AGBL4: variants seen among roughly 807,000 people sequenced by gnomAD.
AGBL4 encodes the protein cytosolic carboxypeptidase 6.
A neutral mutation model predicts 66.4 loss-of-function variants in AGBL4; 58 were observed. The ratio of observed to expected loss-of-function variants is 0.87; its 90% confidence interval spans 0.71 to 1.09. The LOEUF (loss-of-function observed/expected upper bound fraction) is 1.09, where lower values mean the gene tolerates loss of function less well. AGBL4 is among the 50% of genes least tolerant of loss of function. AGBL4 has a pLI of 0.00. For synonymous variants in AGBL4, 234 were observed against 222.9 expected (o/e 1.05, Z -0.44); for missense variants, 579 against 631.0 (o/e 0.92, Z 0.88).
chr1:49,767,723 A>G (rs1643927764), intron 2 of AGBL4, among the ~76,000 whole-genome samples: 1 of 152,134 alleles, frequency 6.6e-6, no homozygotes, highest in African/African-American at 2.4e-5. Context: ...TAACAAAGAA[A>G]GAAGACAAAA....
intron 1 of AGBL4, among the ~76,000 whole-genome samples, chr1:49,869,798 T>C (rs1646794900): frequency 6.6e-6 from 1 of 152,110 alleles, no homozygotes; most frequent in Non-Finnish European, 1.5e-5. Flanking sequence ...AGTGGATTGG[T>C]AGTTACTAGA....
intron 2 of AGBL4, among the ~76,000 whole-genome samples, chr1:49,744,592 T>A (rs1650838698): frequency 6.6e-6 from 1 of 152,076 alleles, no homozygotes; most frequent in Non-Finnish European, 1.5e-5. Flanking sequence ...ATATTAATAG[T>A]AACTTGAATG....
At position 48,593,035 on chromosome 1, in the gene AGBL4, T is replaced by C. The variant is rs111861600; in HGVS notation, c.952-2050A>G. ...CCAGCACCTGAATTATGTTGATTGA[T>C]CATATAATCTGAAAGTCAAATGATA... On this transcript the variant is annotated intron_variant, in intron 9 of 13. Coordinates refer to ENST00000371839, the MANE Select transcript of AGBL4 (RefSeq NM_032785.4). 8.5e-3 allele frequency among the ~76,000 whole-genome samples: 1,293 copies of C among 152,274 alleles called. 23 individuals carry two copies. The highest frequency in any genetic ancestry group is 0.03 in the African/African-American group (1,229 of 41,532).
At chr1:49,227,637 T>G (rs1438518293) in intron 4 of AGBL4, among the ~76,000 whole-genome samples, 1 of 152,204 alleles carries the variant, frequency 6.6e-6, no homozygotes, top group Non-Finnish European at 1.5e-5. Context: ...CTGTAGCTTA[T>G]TTAGCATATT....
At chr1:48,791,241 T>C (rs1386731114) in intron 6 of AGBL4, among the ~76,000 whole-genome samples, 2 of 152,232 alleles carry the variant, frequency 1.3e-5, no homozygotes, top group Non-Finnish European at 2.9e-5. Flanking sequence ...TCATTCATCC[T>C]CGGGCATTAG....
At chr1:49,277,635 C>T (rs1644194555) in intron 3 of AGBL4, among the ~76,000 whole-genome samples, 1 of 150,676 alleles carries the variant, frequency 6.6e-6, no homozygotes, top group Non-Finnish European at 1.5e-5. Context: ...AGGTTTTTTT[C>T]AGCTCCAAAA....
At chr1:48,643,808 C>T (rs1645795302) in intron 8 of AGBL4, among the ~76,000 whole-genome samples, 1 of 152,186 alleles carries the variant, frequency 6.6e-6, no homozygotes, top group African/African-American at 2.4e-5. Flanking sequence ...CCTAGCCCCT[C>T]CTAGCATGTG....
intron 6 of AGBL4, among the ~76,000 whole-genome samples, chr1:48,715,640 C>T (rs1647037616): frequency 6.6e-6 from 1 of 152,124 alleles, no homozygotes; most frequent in Non-Finnish European, 1.5e-5. Context: ...GAGACAGGCA[C>T]TCCTCTACTC....
At chr1:49,741,969 C>T (rs1170356987) in intron 2 of AGBL4, among the ~76,000 whole-genome samples, 2 of 152,110 alleles carry the variant, frequency 1.3e-5, no homozygotes, top group African/African-American at 2.4e-5. Context: ...AAACTGGAAG[C>T]ATTCCCTTTG....
Position 49,446,524 on chromosome 1 carries a change from G to A in AGBL4, c.283-200660C>T, listed in dbSNP as rs187990634. On this transcript the variant is annotated intron_variant, in intron 3 of 13. Transcript: ENST00000371839. ...CAGTTATTAGTGGAGGCTGTAATGA[G>A]GTAGTGCTGGGAACTGGAAAGCCAG... Among the ~76,000 whole-genome samples the A allele has an allele frequency of 2.0e-3, 303 of 152,282 alleles. 2 individuals carry two copies. The highest frequency in any genetic ancestry group is 9.7e-3 in the South Asian group (47 of 4,822).
intron 5 of AGBL4, among the ~76,000 whole-genome samples, chr1:49,011,410 G>A (rs1298323476): frequency 3.3e-5 from 5 of 152,124 alleles, no homozygotes; most frequent in African/African-American, 1.2e-4. Context: ...TGGAGAAATA[G>A]GAACACTTTT....
At chr1:49,745,625 G>A (rs1006472946) in intron 2 of AGBL4, among the ~76,000 whole-genome samples, 9 of 151,660 alleles carry the variant, frequency 5.9e-5, no homozygotes, top group African/African-American at 1.2e-4. Context: ...AGAAAAAAAG[G>A]ACATTTATGA....
At chr1:49,604,756 C>T (rs1194635927) in intron 3 of AGBL4, among the ~76,000 whole-genome samples, 3 of 152,062 alleles carry the variant, frequency 2.0e-5, no homozygotes, top group Admixed American at 6.6e-5. Context: ...CTCTCTCTCC[C>T]CCATTTCCCT....
In AGBL4 at chr1:48,747,511, T is replaced by C. The variant is rs1650959846; in HGVS notation, c.635-84270A>G. Among the ~76,000 whole-genome samples, 3 of 152,348 alleles carry C rather than the reference T, an allele frequency of 2.0e-5. No individual in the cohort carries two copies. In the South Asian group the frequency reaches 6.2e-4, roughly 32 times the overall value. The stretch of plus-strand genomic sequence containing the variant: ...AAAGTATGTTCCTGTTCTGGGGAAG[T>C]TCAGATTTAACATGTGAAACACTAT... On this transcript the variant is annotated intron_variant, in intron 6 of 13. Coordinates refer to ENST00000371839, the MANE Select transcript of AGBL4 (RefSeq NM_032785.4).
chr1:49,582,693 G>A (rs149280683), intron 3 of AGBL4, among the ~76,000 whole-genome samples: 187 of 152,294 alleles, frequency 1.2e-3, no homozygotes, highest in African/African-American at 4.3e-3. Flanking sequence ...CTAGTATTGA[G>A]AGTAGTGTCT....
At chr1:48,914,104 G>A (rs1653384510) in intron 5 of AGBL4, among the ~76,000 whole-genome samples, 1 of 152,176 alleles carries the variant, frequency 6.6e-6, no homozygotes. Flanking sequence ...AGCCACGAGA[G>A]GGGATCAGAT....
chr1:48,805,023 C>A (rs1294803275), intron 6 of AGBL4, among the ~76,000 whole-genome samples: 1 of 152,088 alleles, frequency 6.6e-6, no homozygotes, highest in Non-Finnish European at 1.5e-5. Flanking sequence ...TATTATATCA[C>A]CCTGCAGTGA....
chr1:49,523,070 A>G (rs1650391816), intron 3 of AGBL4, among the ~76,000 whole-genome samples: 2 of 152,064 alleles, frequency 1.3e-5, no homozygotes, highest in African/African-American at 2.4e-5. Flanking sequence ...AAATTCCTTC[A>G]TTAAGCTAAT....
intron 3 of AGBL4, among the ~76,000 whole-genome samples, chr1:49,573,486 C>A (rs576324669): frequency 6.6e-5 from 10 of 152,174 alleles, no homozygotes; most frequent in Admixed American, 1.3e-4. Context: ...CACATAATAC[C>A]TTTGACCATA....
Sources: gnomAD v4.1 joint callset for allele counts (sites outside exome capture counted in the v4.1 genomes callset) on GRCh38, gnomAD v4.1.1 for gene constraint, MANE v1.5 for transcripts, NCBI Gene and HGNC (gene_info 2026-07-23, HGNC 2026-07-21) for gene names.